The following ZNF215 variants were observed in gnomAD, a reference collection of about 807,000 sequenced individuals.
ZNF215 encodes zinc finger protein 215, also known as BWSCR2-associated zinc finger protein 2.
Under a neutral mutation model 27.2 loss-of-function variants are expected in ZNF215, and 24 were observed. That is an observed-to-expected ratio of 0.88 (90% confidence interval 0.64 to 1.24). ZNF215 has a LOEUF of 1.24. Among genes scored for constraint, ZNF215 ranks in the 50% most tolerant of loss-of-function variants. The pLI, the probability that ZNF215 is intolerant of heterozygous loss-of-function variation, is 0.00. For synonymous variants in ZNF215, 210 were observed against 204.0 expected, an observed-to-expected ratio of 1.03 and a Z score of -0.25; for missense variants, 675 against 605.7, an observed-to-expected ratio of 1.11 and a Z score of -1.20.
At chr11:6,982,426 C>G (rs1850974398) in intron 5 of ZNF215, among the ~76,000 whole-genome samples, 1 of 152,092 alleles carries the variant, frequency 6.6e-6, no homozygotes, top group Non-Finnish European at 1.5e-5. Context: ...ATCTACAGAA[C>G]TCTCCACCCC....
chr11:6,974,507 T>C lies in ZNF215; in HGVS notation c.806-9622T>C, dbSNP rs1285200986. ...GGGCAGTATGGCCATTTTCATGATA[T>C]TGATTCTTCCTATCCATGAGCATGG... On this transcript the variant is annotated intron_variant, in intron 5 of 5. Coordinates refer to the ZNF215 transcript ENST00000529903. 2.0e-5 allele frequency among the ~76,000 whole-genome samples: 3 copies of C among 152,344 alleles called. No homozygotes were observed. In the South Asian group the frequency reaches 6.2e-4, roughly 32 times the overall value.
chr11:6,978,127 A>C (rs1014385578), intron 5 of ZNF215, among the ~76,000 whole-genome samples: 2 of 152,072 alleles, frequency 1.3e-5, no homozygotes, highest in Admixed American at 6.6e-5. Flanking sequence ...TGAAATGTCG[A>C]ATGTAGGTAA....
chr11:6,939,075 C>G (rs1039483903), intron 3 of ZNF215, among the ~76,000 whole-genome samples: 3 of 152,064 alleles, frequency 2.0e-5, no homozygotes, highest in Admixed American at 6.6e-5. Context: ...TAGGAAGATG[C>G]ATTTAGCTAT....
chr11:6,984,112 A>AAT, intron 5 of ZNF215: 1 of 362,558 alleles, frequency 2.8e-6, no homozygotes, highest in South Asian at 2.0e-5. Context: ...TGTCCCTTAA[A>AAT]TTTTTTTTTT....
chr11:6,941,577 C>G lies in ZNF215; in HGVS notation c.407C>G (p.Pro136Arg). Residue 136 changes from proline (P) to arginine (R), a missense_variant, in exon 4 of 7, where the codon CCC (proline) becomes CGC (arginine). Transcript: ENST00000278319. The part of the protein sequence containing the change: ...VIEMLEDEDM[P>R]CKDSALQMGS... ...TTTCCTTCATCTTCCTCAGATATGC[C>G]CTGCAAGGACTCTGCCCTGCAGATG... 1.2e-6 allele frequency: 2 copies of G among 1,613,716 alleles called. No homozygotes were observed. Among genetic ancestry groups the G allele is most frequent in the Non-Finnish European group, 8.5e-7 (1 of 1,179,780 alleles).
intron 5 of ZNF215, among the ~76,000 whole-genome samples, chr11:6,968,037 AG>A (rs1850657050): frequency 2.6e-5 from 4 of 152,348 alleles, no homozygotes; most frequent in African/African-American, 9.6e-5. Context: ...TTTATTAAAT[AG>A]GGAATCCTTT....
intron 6 of ZNF215, among the ~76,000 whole-genome samples, chr11:6,945,280 C>G (rs1031561471): frequency 6.6e-6 from 1 of 152,140 alleles, no homozygotes; most frequent in Non-Finnish European, 1.5e-5. Context: ...CCTACCTTTT[C>G]TCACTTGTAT....
intron 6 of ZNF215, among the ~76,000 whole-genome samples, chr11:6,947,639 A>G (rs1849867273): frequency 6.6e-6 from 1 of 152,198 alleles, no homozygotes; most frequent in African/African-American, 2.4e-5. Flanking sequence ...AGGGAAATAC[A>G]ATTGGAAATT....
At chr11:6,953,530 C>G (rs1224451563) in intron 6 of ZNF215, among the ~76,000 whole-genome samples, 5 of 152,208 alleles carry the variant, frequency 3.3e-5, no homozygotes, top group Non-Finnish European at 7.3e-5. Context: ...ATCGCATCAG[C>G]TCCTGAGGCT....
chr11:6,960,391 G>A (rs983862068), downstream of ZNF215, among the ~76,000 whole-genome samples: 3 of 152,150 alleles, frequency 2.0e-5, no homozygotes, highest in African/African-American at 7.2e-5. Flanking sequence ...AGAGCAATGG[G>A]AGTTGAAGAA....
chr11:6,944,388 T>C (rs997457669), intron 6 of ZNF215, among the ~76,000 whole-genome samples: 1 of 151,738 alleles, frequency 6.6e-6, no homozygotes, highest in Non-Finnish European at 1.5e-5. Context: ...AATCTTCCAT[T>C]TTTCCTTTTT....
At chr11:6,974,030 C>T (rs1183430073) in intron 5 of ZNF215, among the ~76,000 whole-genome samples, 3 of 151,982 alleles carry the variant, frequency 2.0e-5, no homozygotes, top group East Asian at 3.8e-4. Context: ...GGTTTTAGGT[C>T]TAATATTTAA....
At chr11:6,929,614 G>C (rs1849180044) in intron 2 of ZNF215, among the ~76,000 whole-genome samples, 1 of 152,130 alleles carries the variant, frequency 6.6e-6, no homozygotes. Flanking sequence ...TTAGACTGGG[G>C]TTATGGGTTT....
chr11:6,976,193 A>G (rs1017202819), intron 5 of ZNF215, among the ~76,000 whole-genome samples: 1 of 152,042 alleles, frequency 6.6e-6, no homozygotes, highest in African/African-American at 2.4e-5. Flanking sequence ...CTGGATTATT[A>G]GATTTTTTCC....
At chr11:6,940,146 T>C (rs1230378431) in intron 3 of ZNF215, among the ~76,000 whole-genome samples, 1 of 151,646 alleles carries the variant, frequency 6.6e-6, no homozygotes, top group Admixed American at 6.6e-5. Flanking sequence ...GGCAGGAGGA[T>C]TGGTTGAGGC....
intron 3 of ZNF215, 94 bp downstream of exon 3, chr11:6,932,766 G>C: frequency 8.4e-7 from 1 of 1,185,608 alleles, no homozygotes; most frequent in Non-Finnish European, 1.2e-6. Context: ...TCAAGTGCCA[G>C]ATCTTGAAGG....
At chr11:6,984,746 AAG>A (rs1454373365), downstream of ZNF215, 1 of 152,308 alleles carries the variant, frequency 6.6e-6, no homozygotes, top group Admixed American at 6.5e-5. Flanking sequence ...TACCTGCACA[AAG>A]AGGGGAAAAT....
rs1225935478 is a variant in ZNF215, at chr11:6,943,594, A to C, written c.665A>C (p.Lys222Thr). 1 of 1,614,116 alleles carries C rather than the reference A, an allele frequency of 6.2e-7. No individual in the cohort carries two copies. The highest frequency in any genetic ancestry group is 8.5e-7 in the Non-Finnish European group (1 of 1,179,984). Reference protein sequence around the residue: ...PFESLKLESKKKRWIMEKEIP... With the variant: ...PFESLKLESKTKRWIMEKEIP... ...GAGAGCCTTAAGTTGGAGAGTAAGA[A>C]AAAAAGATGGATAATGGAGAAAGAA... Residue 222 changes from lysine to threonine, a missense_variant, in exon 6 of 7, where the codon AAA (lysine) becomes ACA (threonine). By Grantham distance (78) the Lys-to-Thr change is moderately conservative. Coordinates refer to ENST00000278319, the MANE Select transcript of ZNF215 (RefSeq NM_013250.4).
intron 2 of ZNF215, among the ~76,000 whole-genome samples, chr11:6,929,381 A>G (rs757628358): frequency 5.3e-5 from 8 of 152,234 alleles, no homozygotes; most frequent in Non-Finnish European, 1.0e-4. Context: ...TACATTAACT[A>G]AAGTCCATGC....
Sources: gnomAD v4.1 joint callset for allele counts (sites outside exome capture counted in the v4.1 genomes callset) on GRCh38, gnomAD v4.1.1 for gene constraint, MANE v1.5 for transcripts, NCBI Gene and HGNC (gene_info 2026-07-23, HGNC 2026-07-21) for gene names.